Variants in BRIP1 observed in about 807,000 individuals in gnomAD.
BRIP1 encodes the protein BRCA1 interacting DNA helicase 1, also known as Fanconi anemia group J protein.
BRIP1 carries 88 observed loss-of-function variants against 119.7 expected under a neutral mutation model. The ratio of observed to expected loss-of-function variants is 0.74; its 90% CI spans 0.62 to 0.88. BRIP1 has a LOEUF of 0.88. Among genes scored for constraint, BRIP1 ranks in the 40% least tolerant of loss-of-function variants. The pLI is 0.00. For missense variants in BRIP1, 1,259 were observed against 1,455.4 expected (o/e 0.87, Z 2.20); for synonymous variants, 443 against 496.5 (o/e 0.89, Z 1.43).
chr17:61,776,648 T>G lies in BRIP1; in HGVS notation c.1936-86A>C, dbSNP rs2077539693. 1 of 1,387,548 alleles carries G rather than the reference T, an allele frequency of 7.2e-7. No individual in the cohort carries two copies. The highest frequency in any genetic ancestry group is 1.0e-6 in the Non-Finnish European group (1 of 978,316). 86.0% of individuals were successfully genotyped at this position (1,387,548 alleles called of 1,614,324 possible). A position where few individuals can be genotyped will look rare whatever the true frequency, so the allele number is the denominator to read the frequency against. The stretch of plus-strand genomic sequence containing the variant: ...TATTTGGAAGTATGTACATAAAAGA[T>G]CAAGCAACAAGTTTAACAATTTATT... On this transcript the variant is annotated intron_variant, in intron 13 of 19. Transcript: ENST00000259008. The surrounding 1 kb of genome is among the most constrained non-coding windows in gnomAD (Gnocchi z 5.0).
rs866363605 is a variant in BRIP1, at chr17:61,839,111, T to A, written c.627+7990A>T. Among the ~76,000 whole-genome samples, 14 of 152,190 alleles carry A rather than the reference T, an allele frequency of 9.2e-5. 1 individual carries two copies. Among genetic ancestry groups the A allele is most frequent in the Admixed American group, 2.0e-4 (3 of 15,294 alleles). ...TATGACACCCAAAAATCCCATTTTTTAAATAAATTACCTCTACTCATATCC... is the reference window on the plus strand; with the variant it reads ...TATGACACCCAAAAATCCCATTTTTAAAATAAATTACCTCTACTCATATCC... On this transcript the variant is annotated intron_variant, in intron 6 of 19. Coordinates refer to ENST00000259008, the MANE Select transcript of BRIP1 (RefSeq NM_032043.3).
rs750874535 is a variant in BRIP1 at position 61,693,423 on chromosome 17, A to T, written c.2575+7T>A. 4 of 1,609,210 alleles carry T rather than the reference A, an allele frequency of 2.5e-6. No individual in the cohort carries two copies. The East Asian group carries it at 6.7e-5, about 27-fold the overall frequency. On this transcript the variant is annotated splice_region_variant and intron_variant, in intron 18 of 19. Coordinates refer to ENST00000259008, the MANE Select transcript of BRIP1 (RefSeq NM_032043.3). The surrounding 1 kb of genome is among the most constrained non-coding windows in gnomAD (Gnocchi z 4.2). ...AGTTTTTACTCTAAGCCCAGCTGAG[A>T]TCTTACCAGATATATAGCGACTTGG... is the stretch of plus-strand genomic sequence containing the variant.
At position 61,848,626 on chromosome 17, in the gene BRIP1, A is replaced by G. The variant is rs999060483; in HGVS notation, c.507+503T>C. ...CATCTGCATCCAAATTTCATTTAAA[A>G]TATCTGGTAATTCAAGCCTTTTAGT... On this transcript the variant is annotated intron_variant, in intron 5 of 19. Coordinates refer to ENST00000259008, the MANE Select transcript of BRIP1 (RefSeq NM_032043.3). This position sits in a 1 kb window ranked among gnomAD's most constrained non-coding sequence, Gnocchi z 4.3. Among the ~76,000 whole-genome samples the G allele has an allele frequency of 6.6e-6, 1 of 152,208 alleles. No homozygotes were observed. Among genetic ancestry groups the G allele is most frequent in the African/African-American group, 2.4e-5 (1 of 41,466 alleles).
chr17:61,778,318 C>T lies in BRIP1; in HGVS notation c.1936-1756G>A, dbSNP rs1387101618. Among the ~76,000 whole-genome samples, 1 of 151,982 alleles carries T rather than the reference C, an allele frequency of 6.6e-6. No homozygotes were observed. Among genetic ancestry groups the T allele is most frequent in the African/African-American group, 2.4e-5 (1 of 41,390 alleles). ...GAAACAGAAAGCAGAATGGTAGTTA[C>T]CAGGAGCTGAGGAGAGGGGGAGAAT... On this transcript the variant is annotated intron_variant, in intron 13 of 19. Transcript: ENST00000259008. This position sits in a 1 kb window ranked among gnomAD's most constrained non-coding sequence, Gnocchi z 4.4.
Position 61,846,540 on chromosome 17 carries a change from C to A in BRIP1, c.627+561G>T, listed in dbSNP as rs992916384. 6.6e-5 allele frequency among the ~76,000 whole-genome samples: 10 copies of A among 152,032 alleles called. No individual in the cohort carries two copies. Among genetic ancestry groups the A allele is most frequent in the Non-Finnish European group, 1.5e-4 (10 of 68,020 alleles). On this transcript the variant is annotated intron_variant, in intron 6 of 19. Transcript: ENST00000259008. The surrounding 1 kb of genome is among the most constrained non-coding windows in gnomAD (Gnocchi z 4.3). ...TAGCTGGGACTACAAGTGTGCACCA[C>A]AACACCCGGCTAATTTTTGTATTTT...
rs1186013602 is a variant in BRIP1 at position 61,845,245 on chromosome 17, A to C, written c.627+1856T>G. 6.6e-6 allele frequency among the ~76,000 whole-genome samples: 1 copy of C among 152,206 alleles called. No homozygotes were observed. The highest frequency in any genetic ancestry group is 2.4e-5 in the African/African-American group (1 of 41,456). On this transcript the variant is annotated intron_variant, in intron 6 of 19. Transcript: ENST00000259008. This position sits in a 1 kb window ranked among gnomAD's most constrained non-coding sequence, Gnocchi z 4.2. ...AAAGCTTCAGTGAAGATCACCAACA[A>C]AACACAAATTAAATGTACAGTAACT...
Position 61,857,271 on chromosome 17 carries a change from A to C in BRIP1, c.206-40T>G. 2 of 1,522,390 alleles carry C rather than the reference A, an allele frequency of 1.3e-6. No individual in the cohort carries two copies. The highest frequency in any genetic ancestry group is 1.8e-6 in the Non-Finnish European group (2 of 1,114,572). 94.3% of individuals were successfully genotyped at this position (1,522,390 alleles called of 1,614,324 possible). On this transcript the variant is annotated intron_variant, in intron 3 of 19. Transcript: ENST00000259008. The surrounding 1 kb of genome is among the most constrained non-coding windows in gnomAD (Gnocchi z 5.1). ...ACATCTATTTATAATATATCTAATTAAATAAACATCAATCATTCTCTACAG... is the reference window on the plus strand; with the variant it reads ...ACATCTATTTATAATATATCTAATTCAATAAACATCAATCATTCTCTACAG...
In BRIP1 at chr17:61,831,550, T is replaced by C. The variant is rs1280234236; in HGVS notation, c.627+15551A>G. ...ATGTCTTCAAGTTTCATCTATGTTG[T>C]AGTACATGTCAGAATTTCCTTCCTT... On this transcript the variant is annotated intron_variant, in intron 6 of 19. Coordinates refer to ENST00000259008, the MANE Select transcript of BRIP1 (RefSeq NM_032043.3). The surrounding 1 kb of genome is among the most constrained non-coding windows in gnomAD (Gnocchi z 4.1). 6.6e-6 allele frequency among the ~76,000 whole-genome samples: 1 copy of C among 152,266 alleles called. No individual in the cohort carries two copies. Among genetic ancestry groups the C allele is most frequent in the Non-Finnish European group, 1.5e-5 (1 of 68,044 alleles).
chr17:61,787,967 T>G (rs1049076964), intron 10 of BRIP1, among the ~76,000 whole-genome samples: 1 of 151,902 alleles, frequency 6.6e-6, no homozygotes, highest in African/African-American at 2.4e-5. Context: ...TCATTGCCTG[T>G]GATAAACAAC....
At position 61,803,419 on chromosome 17, in the gene BRIP1, C is replaced by T. The variant is rs1244600068; in HGVS notation, c.919-1945G>A. Among the ~76,000 whole-genome samples, 2 of 152,076 alleles carry T rather than the reference C, an allele frequency of 1.3e-5. No homozygotes were observed. The highest frequency in any genetic ancestry group is 2.9e-5 in the Non-Finnish European group (2 of 68,006). ...CACTGGAAATAAAAAAATTTCATTA[C>T]AGGCTGGGCACAGTGGCTCATGCCT... On this transcript the variant is annotated intron_variant, in intron 7 of 19. Coordinates refer to ENST00000259008, the MANE Select transcript of BRIP1 (RefSeq NM_032043.3). The surrounding 1 kb of genome is among the most constrained non-coding windows in gnomAD (Gnocchi z 4.3).
rs187599102 is a variant in BRIP1, at chr17:61,846,713, A to G, written c.627+388T>C. The stretch of plus-strand genomic sequence containing the variant: ...ACAACATCTTAATATTATTACAAAA[A>G]TAATTTTCACCTCACAGATCACTCC... On this transcript the variant is annotated intron_variant, in intron 6 of 19. Coordinates refer to ENST00000259008, the MANE Select transcript of BRIP1 (RefSeq NM_032043.3). This position sits in a 1 kb window ranked among gnomAD's most constrained non-coding sequence, Gnocchi z 4.3. 7.4e-4 allele frequency among the ~76,000 whole-genome samples: 112 copies of G among 152,310 alleles called. No individual in the cohort carries two copies. Among genetic ancestry groups the G allele is most frequent in the Non-Finnish European group, 1.3e-3 (89 of 68,026 alleles).
Position 61,856,214 on chromosome 17 carries a change from A to G in BRIP1, c.379+844T>C, listed in dbSNP as rs2078894245. Among the ~76,000 whole-genome samples, 1 of 152,190 alleles carries G rather than the reference A, an allele frequency of 6.6e-6. No homozygotes were observed. The highest frequency in any genetic ancestry group is 2.4e-5 in the African/African-American group (1 of 41,454). On this transcript the variant is annotated intron_variant, in intron 4 of 19. Coordinates refer to ENST00000259008, the MANE Select transcript of BRIP1 (RefSeq NM_032043.3). This position sits in a 1 kb window ranked among gnomAD's most constrained non-coding sequence, Gnocchi z 5.1. The stretch of plus-strand genomic sequence containing the variant: ...TTTCCTCATTCCTACCAGAAGTTCA[A>G]TCATCTACCCTCCTCTATATAGTCA...
rs1205986821 is a variant in BRIP1, at chr17:61,807,383, T to C, written c.918+1084A>G. On this transcript the variant is annotated intron_variant, in intron 7 of 19. Coordinates refer to ENST00000259008, the MANE Select transcript of BRIP1 (RefSeq NM_032043.3). The surrounding 1 kb of genome is among the most constrained non-coding windows in gnomAD (Gnocchi z 4.5). ...TGACTTTGATTCAGTAATTCTGTAT[T>C]CTCTCCTGGCTCGGAACAAGTCACT... Among the ~76,000 whole-genome samples the C allele has an allele frequency of 1.3e-5, 2 of 152,230 alleles. No homozygotes were observed. Among genetic ancestry groups the C allele is most frequent in the African/African-American group, 4.8e-5 (2 of 41,462 alleles).
In BRIP1 at chr17:61,734,733, C is replaced by G. The variant is rs1406316325; in HGVS notation, c.2379+8280G>C. ...TTTTCCTTCTTCTCAAAAAGCCAAA[C>G]CCTGCTATTGAGACTGCAAAGTCTT... is the stretch of plus-strand genomic sequence containing the variant. On this transcript the variant is annotated intron_variant, in intron 16 of 19. Transcript: ENST00000259008. The surrounding 1 kb of genome is among the most constrained non-coding windows in gnomAD (Gnocchi z 5.2). 1.3e-5 allele frequency among the ~76,000 whole-genome samples: 2 copies of G among 152,166 alleles called. No individual in the cohort carries two copies. Among genetic ancestry groups the G allele is most frequent in the Non-Finnish European group, 2.9e-5 (2 of 68,020 alleles).
intron 14 of BRIP1, among the ~76,000 whole-genome samples, chr17:61,764,508 C>T (rs1174381665): frequency 6.6e-6 from 1 of 152,104 alleles, no homozygotes; most frequent in Non-Finnish European, 1.5e-5. Flanking sequence ...AACGTCCCTC[C>T]TGACACCACA....
At chr17:61,765,354 ATGTGTGTG>A (rs146643187) in intron 14 of BRIP1, among the ~76,000 whole-genome samples, 4 of 41,574 alleles carry the variant, frequency 9.6e-5, no homozygotes, top group African/African-American at 2.7e-4. Flanking sequence ...ATACATATGT[ATGTGTGTG>A]TGTGTGTGTG....
rs2077432137 is a variant in BRIP1 at position 61,770,452 on chromosome 17, GTA to G, written c.2097+5947_2097+5948del. On this transcript the variant is annotated intron_variant, in intron 14 of 19. Coordinates refer to ENST00000259008, the MANE Select transcript of BRIP1 (RefSeq NM_032043.3). This position sits in a 1 kb window ranked among gnomAD's most constrained non-coding sequence, Gnocchi z 4.7. Reference sequence around the variant, plus strand: ...AACTACAAGGTAGTTATAAAAGACAGTATAAAATGTGTTTTAACATAGATACA... The same window carrying G: ...AACTACAAGGTAGTTATAAAAGACAGTAAAATGTGTTTTAACATAGATACA... Among the ~76,000 whole-genome samples the G allele has an allele frequency of 6.6e-6, 1 of 152,178 alleles. No individual in the cohort carries two copies. The highest frequency in any genetic ancestry group is 2.4e-5 in the African/African-American group (1 of 41,440).
At position 61,801,464 on chromosome 17, in the gene BRIP1, C is replaced by T. The variant is rs1567832184; in HGVS notation, c.929G>A (p.Cys310Tyr). The change falls in exon 8 of 20, where the codon TGC (cysteine) becomes TAC (tyrosine). Residue 310 changes from cysteine (C) to tyrosine (Y), a missense_variant. By Grantham distance (194) the Cys-to-Tyr change is radical. Coordinates refer to ENST00000259008, the MANE Select transcript of BRIP1 (RefSeq NM_032043.3). ...TTTATGAACTCCATGATAAAAATAG[C>T]AGGATTTTCCCTAGAAACAAATATG... Reference protein sequence around the residue: ...ELLDGKNGKSCYFYHGVHKIS... With the variant: ...ELLDGKNGKSYYFYHGVHKIS... 1 of 1,609,200 alleles carries T rather than the reference C, an allele frequency of 6.2e-7. No individual in the cohort carries two copies. Among genetic ancestry groups the T allele is most frequent in the Non-Finnish European group, 8.5e-7 (1 of 1,175,740 alleles).
chr17:61,768,122 A>G lies in BRIP1; in HGVS notation c.2097+8279T>C, dbSNP rs2077397827. On this transcript the variant is annotated intron_variant, in intron 14 of 19. Coordinates refer to ENST00000259008, the MANE Select transcript of BRIP1 (RefSeq NM_032043.3). The surrounding 1 kb of genome is among the most constrained non-coding windows in gnomAD (Gnocchi z 5.0). ...TTCTTGAAGAGACAGTAACTTGTTTATTTTTGAATCTTTAACAGGACTTAG... is the reference window on the plus strand; with the variant it reads ...TTCTTGAAGAGACAGTAACTTGTTTGTTTTTGAATCTTTAACAGGACTTAG... Among the ~76,000 whole-genome samples the G allele has an allele frequency of 6.6e-6, 1 of 152,196 alleles. No individual in the cohort carries two copies. Among genetic ancestry groups the G allele is most frequent in the South Asian group, 2.1e-4 (1 of 4,832 alleles).
Sources: allele counts gnomAD v4.1 joint callset (sites outside exome capture counted in the v4.1 genomes callset), GRCh38; gene constraint gnomAD v4.1.1; non-coding constraint Gnocchi (gnomAD v3.1); transcripts MANE v1.5; gene names NCBI Gene and HGNC (gene_info 2026-07-23, HGNC 2026-07-21).